The following KCTD13 variants were observed in gnomAD, a reference collection of about 807,000 sequenced individuals.
KCTD13 encodes the protein potassium channel tetramerization domain containing 13.
A neutral mutation model predicts 32.3 loss-of-function variants in KCTD13; 15 were observed. The observed-to-expected ratio is 0.46, with a 90% CI of 0.31 to 0.71. KCTD13 has a LOEUF of 0.71. Among genes scored for constraint, KCTD13 ranks in the 30% least tolerant of loss-of-function variants. The pLI, the probability that KCTD13 is intolerant of heterozygous loss-of-function variation, is 0.05. For missense variants in KCTD13, 337 were observed against 452.6 expected, an observed-to-expected ratio of 0.74 and a Z score of 2.32; for synonymous variants, 189 against 200.1, an observed-to-expected ratio of 0.94 and a Z score of 0.47.
intron 2 of KCTD13, chr16:29,912,323 C>T (rs764389471): frequency 3.2e-5 from 17 of 530,762 alleles, no homozygotes; most frequent in Admixed American, 7.6e-5. Context: ...CAGCTGTCAG[C>T]GTGGCGTGTC....
chr16:29,910,035 G>A (rs2068678215), intron 5 of KCTD13, among the ~76,000 whole-genome samples: 1 of 150,884 alleles, frequency 6.6e-6, no homozygotes, highest in African/African-American at 2.4e-5. Context: ...GGAGGCAGAG[G>A]TTAAGTGAGC....
chr16:29,919,265 C>T (rs185351346), intron 2 of KCTD13, among the ~76,000 whole-genome samples: 14 of 152,070 alleles, frequency 9.2e-5, no homozygotes, highest in Admixed American at 9.2e-4. Context: ...AAAAAGGGAC[C>T]CCTTGGATTG....
In KCTD13 at chr16:29,918,314, C is replaced by T. The variant is rs190871528; in HGVS notation, c.414+4876G>A. The stretch of plus-strand genomic sequence containing the variant: ...TGATAGAGAAATCAAACCACCATCC[C>T]CTAGATCCAGGGGCCAATTATGAAC... On this transcript the variant is annotated intron_variant, in intron 2 of 5. Coordinates refer to ENST00000568000, the MANE Select transcript of KCTD13 (RefSeq NM_178863.5). Among the ~76,000 whole-genome samples the T allele has an allele frequency of 2.1e-3, 319 of 152,252 alleles. 1 individual carries two copies. The highest frequency in any genetic ancestry group is 5.2e-3 in the Admixed American group (80 of 15,276).
At chr16:29,911,228 C>A (rs1390960638) in intron 4 of KCTD13, 55 bp from the exon 5 acceptor site, 7 of 1,394,432 alleles carry the variant, frequency 5.0e-6, no homozygotes, top group Middle Eastern at 1.8e-4. Context: ...TCCCTCTGTA[C>A]CCCCAGAAGA....
chr16:29,925,990 G>C lies in KCTD13; in HGVS notation c.44C>G (p.Ser15Cys). Residue 15 changes from serine to cysteine, a missense_variant, in exon 1 of 6, where the codon TCC becomes TGC. Ser to Cys is a moderately radical substitution (Grantham distance 112, BLOSUM62 -1). Around this residue, in one of 3 missense-constraint regions of KCTD13, gnomAD observed 64 missense variants for 59.6 expected, o/e 1.07. Transcript: ENST00000568000. The part of the protein sequence containing the change: ...ASGPAAAAAP[S>C]LEAPKPSGLE... ...ACCCGAGGGCTTGGGGGCTTCCAGG[G>C]ACGGGGCCGCGGCGGCAGCCGGGCC... is the stretch of plus-strand genomic sequence containing the variant. 2 of 1,599,556 alleles carry C rather than the reference G, an allele frequency of 1.3e-6. No individual in the cohort carries two copies. Among genetic ancestry groups the C allele is most frequent in the Non-Finnish European group, 1.7e-6 (2 of 1,173,118 alleles).
At chr16:29,907,991 A>G (rs561671061) in intron 5 of KCTD13, among the ~76,000 whole-genome samples, 139 of 151,372 alleles carry the variant, frequency 9.2e-4, no homozygotes, top group Admixed American at 4.0e-3. Context: ...AAAAAAAAAA[A>G]AGAGAGAGAG....
At chr16:29,911,246 G>C in intron 4 of KCTD13, 73 bp from the exon 5 acceptor site, 2 of 1,180,628 alleles carry the variant, frequency 1.7e-6, no homozygotes, top group Non-Finnish European at 2.4e-6. Context: ...AGACGGGCCT[G>C]GATGCATTCC....
chr16:29,912,174 C>T, intron 2 of KCTD13, 125 bp from the exon 3 acceptor site: 2 of 693,238 alleles, frequency 2.9e-6, no homozygotes, highest in Non-Finnish European at 2.5e-6. Context: ...GCTCTGCAGG[C>T]TCCAAGCTCC....
intron 2 of KCTD13, among the ~76,000 whole-genome samples, chr16:29,918,026 C>T (rs752471736): frequency 2.0e-5 from 3 of 152,228 alleles, no homozygotes; most frequent in Non-Finnish European, 4.4e-5. Context: ...CATAAGGATA[C>T]AGCATTAGGC....
chr16:29,906,864 G>A lies in KCTD13; in HGVS notation c.*8C>T, dbSNP rs200627102. 2 of 1,611,308 alleles carry A rather than the reference G, an allele frequency of 1.2e-6. No homozygotes were observed. The highest frequency in any genetic ancestry group is 2.7e-5 in the African/African-American group (2 of 74,966). ...AAGGCAAGAGGAAGGCAGGGGGAGG[G>A]TCAGAGGTCAGTCCTTGAAGACAAT... On this transcript the variant is annotated 3_prime_UTR_variant, in exon 6 of 6. Transcript: ENST00000568000.
In KCTD13 at chr16:29,923,246, C is replaced by T. The variant is rs774531778; in HGVS notation, c.358G>A (p.Glu120Lys). Residue 120 changes from glutamate to lysine, a missense_variant, in exon 2 of 6, where the codon GAA becomes AAA. Around this residue, in one of 3 missense-constraint regions of KCTD13, gnomAD observed 252 missense variants for 340.2 expected, o/e 0.74. Coordinates refer to ENST00000568000, the MANE Select transcript of KCTD13 (RefSeq NM_178863.5). ...CCCTGCACCAGGTAGTAGCGTGCTT[C>T]GCCCAGCAGCTCCCCCAGTTCTCTC... ...STRELGELLG[E>K]ARYYLVQGLI... 23 of 1,614,078 alleles carry T rather than the reference C, an allele frequency of 1.4e-5. No homozygotes were observed. The highest frequency in any genetic ancestry group is 1.9e-5 in the Non-Finnish European group (23 of 1,180,052).
At chr16:29,916,807 C>G (rs534085165) in intron 2 of KCTD13, among the ~76,000 whole-genome samples, 66 of 152,314 alleles carry the variant, frequency 4.3e-4, no homozygotes, top group Non-Finnish European at 7.9e-4. Context: ...TGTCATGAAG[C>G]TGCAGTCTGG....
chr16:29,924,004 G>T (rs1455836817), intron 1 of KCTD13, among the ~76,000 whole-genome samples: 2 of 151,690 alleles, frequency 1.3e-5, no homozygotes, highest in Non-Finnish European at 2.9e-5. Context: ...GAGAAATCCC[G>T]TCTTTACTAA....
rs1170556576 is a variant in KCTD13, at chr16:29,926,182, C to T, written c.-149G>A. On this transcript the variant is annotated 5_prime_UTR_variant, in exon 1 of 6. Coordinates refer to ENST00000568000, the MANE Select transcript of KCTD13 (RefSeq NM_178863.5). ...CAGCTACTCTGCAAGACCGGCCCTC[C>T]GCCCCATCTCGCTCGCACCACCCGG... 7 of 909,306 alleles carry T rather than the reference C, an allele frequency of 7.7e-6. No individual in the cohort carries two copies. The Admixed American group carries it at 2.0e-4, about 27-fold the overall frequency. 56.3% of individuals were successfully genotyped at this position (909,306 alleles called of 1,614,324 possible).
At chr16:29,911,716 T>C in intron 4 of KCTD13, 99 bp downstream of exon 4, 2 of 1,314,666 alleles carry the variant, frequency 1.5e-6, no homozygotes, top group Non-Finnish European at 2.1e-6. Context: ...ACAGATGTTC[T>C]TGTAGGCCCC....
intron 1 of KCTD13, among the ~76,000 whole-genome samples, chr16:29,924,568 T>C (rs561136094): frequency 6.6e-6 from 1 of 152,304 alleles, no homozygotes; most frequent in East Asian, 1.9e-4. Flanking sequence ...TGCAATTGCA[T>C]ATGCATATAC....
At position 29,918,295 on chromosome 16, in the gene KCTD13, A is replaced by G. The variant is rs148140971; in HGVS notation, c.414+4895T>C. 9.2e-4 allele frequency among the ~76,000 whole-genome samples: 140 copies of G among 152,376 alleles called. 1 individual carries two copies. Among genetic ancestry groups the G allele is most frequent in the African/African-American group, 3.2e-3 (133 of 41,602 alleles). On this transcript the variant is annotated intron_variant, in intron 2 of 5. Coordinates refer to ENST00000568000, the MANE Select transcript of KCTD13 (RefSeq NM_178863.5). ...CAACAAGGAAATGTAACAATGATAG[A>G]GAAATCAAACCACCATCCCCTAGAT... is the stretch of plus-strand genomic sequence containing the variant.
At position 29,925,773 on chromosome 16, in the gene KCTD13, A is replaced by G. The variant is rs751378895; in HGVS notation, c.244+17T>C. Reference sequence around the variant, plus strand: ...TGGGGGTCTGGGGTGGGGGCACGGTAGGGGCGCCGCTCGTACCTCCGGCAT... The same window carrying G: ...TGGGGGTCTGGGGTGGGGGCACGGTGGGGGCGCCGCTCGTACCTCCGGCAT... On this transcript the variant is annotated intron_variant, in intron 1 of 5. Coordinates refer to ENST00000568000, the MANE Select transcript of KCTD13 (RefSeq NM_178863.5). 1.2e-6 allele frequency: 2 copies of G among 1,611,062 alleles called. No individual in the cohort carries two copies. Among genetic ancestry groups the G allele is most frequent in the Non-Finnish European group, 1.7e-6 (2 of 1,179,196 alleles).
chr16:29,913,768 C>T (rs2068759065), intron 2 of KCTD13: 1 of 152,190 alleles, frequency 6.6e-6, no homozygotes, highest in Non-Finnish European at 1.5e-5. Context: ...TGAGTATCCT[C>T]GCAGCATGGC....
Sources: gnomAD v4.1 joint callset for allele counts (sites outside exome capture counted in the v4.1 genomes callset) on GRCh38, gnomAD v4.1.1 for gene constraint, gnomAD v4.1.1 regional missense constraint, MANE v1.5 for transcripts, NCBI Gene and HGNC (gene_info 2026-07-23, HGNC 2026-07-21) for gene names.